Variants in PPEF1 observed in about 807,000 individuals in gnomAD.
PPEF1 encodes the protein serine/threonine-protein phosphatase with EF-hands 1.
PPEF1 carries 12 observed loss-of-function variants against 53.3 expected under a neutral mutation model. That is an observed-to-expected ratio of 0.23 (90% CI 0.14 to 0.36). PPEF1 has a LOEUF of 0.36. Ranked by LOEUF, PPEF1 falls within the 10% of genes least tolerant of loss-of-function variation. The pLI is 1.00. For missense variants in PPEF1, 334 were observed against 490.4 expected, an observed-to-expected ratio of 0.68 and a Z score of 3.01; for synonymous variants, 165 against 176.7, an observed-to-expected ratio of 0.93 and a Z score of 0.52.
chrX:18,748,743 C>T (rs1442994605), intron 3 of PPEF1, among the ~76,000 whole-genome samples: 1 of 111,676 alleles, frequency 9.0e-6, no homozygotes, highest in Non-Finnish European at 1.9e-5. Context: ...CTCAGCTCTA[C>T]ATGGTCTTGG....
At chrX:18,743,120 G>A (rs993024212) in intron 3 of PPEF1, among the ~76,000 whole-genome samples, 1 of 112,177 alleles carries the variant, frequency 8.9e-6, no homozygotes, top group African/African-American at 3.2e-5. Context: ...ACAGTATAAA[G>A]GGATGTGGAC....
At chrX:18,718,615 C>T (rs1180565432) in intron 1 of PPEF1, among the ~76,000 whole-genome samples, 1 of 111,366 alleles carries the variant, frequency 9.0e-6, no homozygotes, top group Non-Finnish European at 1.9e-5. Flanking sequence ...AAAACACACA[C>T]ACAACACAAC....
intron 1 of PPEF1, 90 bp downstream of exon 1, chrX:18,707,916 A>G (rs903526632): frequency 5.9e-6 from 5 of 849,829 alleles, no homozygotes; most frequent in Non-Finnish European, 8.6e-6. Flanking sequence ...TACTCCCACG[A>G]TGCTCAAGCT....
chrX:18,677,182 G>GC lies in PPEF1; in HGVS notation c.-587+1059dup, dbSNP rs774122404. Among the ~76,000 whole-genome samples the GC allele has an allele frequency of 3.6e-4, 39 of 109,181 alleles. No individual in the cohort carries two copies. In the South Asian group the frequency reaches 8.7e-3, roughly 24 times the overall value. 94.8% of individuals were successfully genotyped at this position (109,181 alleles called of 115,157 possible). On this transcript the variant is annotated intron_variant, in intron 1 of 20. Coordinates refer to the PPEF1 transcript ENST00000689646. ...CACCCAAGTAGCTGGGATTACAGGC[G>GC]CCCCCCCACCATACCTGGCCTACTT... is the stretch of plus-strand genomic sequence containing the variant.
intron 12 of PPEF1, among the ~76,000 whole-genome samples, chrX:18,810,916 G>A (rs1032613132): frequency 1.8e-5 from 2 of 112,169 alleles, no homozygotes; most frequent in Admixed American, 1.9e-4. Flanking sequence ...GGGTTATATG[G>A]TAACTCTGTG....
At chrX:18,725,748 T>C (rs913283448) in intron 1 of PPEF1, among the ~76,000 whole-genome samples, 1 of 111,712 alleles carries the variant, frequency 9.0e-6, no homozygotes. Flanking sequence ...CAGAGATGGC[T>C]GCTTCCCAAG....
At chrX:18,807,021 T>G (rs2046686115) in intron 12 of PPEF1, among the ~76,000 whole-genome samples, 1 of 19,978 alleles carries the variant, frequency 5.0e-5, no homozygotes, top group Non-Finnish European at 1.2e-4. Flanking sequence ...TTTTGTTTGT[T>G]TTTTTTCATT....
intron 3 of PPEF1, among the ~76,000 whole-genome samples, chrX:18,745,917 C>A (rs570793871): frequency 8.9e-6 from 1 of 111,886 alleles, no homozygotes; most frequent in South Asian, 3.7e-4. Context: ...TGTTGCTTTT[C>A]TTTTTCCAGC....
At chrX:18,763,511 C>T (rs1039153479) in intron 6 of PPEF1, among the ~76,000 whole-genome samples, 3 of 110,426 alleles carry the variant, frequency 2.7e-5, no homozygotes, top group Non-Finnish European at 5.7e-5. Context: ...TTATGGAGGC[C>T]TGCGTTAGTG....
At chrX:18,816,684 G>A (rs1235855577) in intron 12 of PPEF1, among the ~76,000 whole-genome samples, 1 of 111,656 alleles carries the variant, frequency 9.0e-6, no homozygotes, top group Non-Finnish European at 1.9e-5. Flanking sequence ...AGTTCTGTCC[G>A]TTTTTGCTTC....
intron 6 of PPEF1, 126 bp from the exon 7 acceptor site, chrX:18,778,884 T>A: frequency 1.4e-6 from 1 of 713,205 alleles, no homozygotes; most frequent in Non-Finnish European, 2.0e-6. Flanking sequence ...GAGAGCAGAT[T>A]TTTCCCGGTG....
At chrX:18,821,796 AGAGAGAG>A (rs1569273865) in intron 13 of PPEF1, among the ~76,000 whole-genome samples, 63 of 18,801 alleles carry the variant, frequency 3.4e-3, no homozygotes, top group African/African-American at 0.017. Flanking sequence ...AGAGAGAGAG[AGAGAGAG>A]AAAACAAATA....
intron 1 of PPEF1, among the ~76,000 whole-genome samples, chrX:18,727,221 G>A (rs1354021902): frequency 9.0e-6 from 1 of 111,415 alleles, no homozygotes; most frequent in Admixed American, 9.6e-5. Context: ...AGGACTGCAG[G>A]ACTAATCAAT....
In PPEF1 at chrX:18,817,076, G is replaced by A. The variant is rs939043721; in HGVS notation, c.1395-963G>A. 9.7e-4 allele frequency among the ~76,000 whole-genome samples: 76 copies of A among 78,583 alleles called. 1 individual carries two copies. Among genetic ancestry groups the A allele is most frequent in the Middle Eastern group, 6.5e-3 (1 of 155 alleles). 68.2% of individuals were successfully genotyped at this position (78,583 alleles called of 115,157 possible). On this transcript the variant is annotated intron_variant, in intron 12 of 15. Coordinates refer to ENST00000470157, the MANE Select transcript of PPEF1 (RefSeq NM_001377996.1). Reference sequence around the variant, plus strand: ...ACATCTATCATTTTGCCATGTGTGTGTGTGTGTGTGTGTGTGTGTGTGTGT... The same window carrying A: ...ACATCTATCATTTTGCCATGTGTGTATGTGTGTGTGTGTGTGTGTGTGTGT...
At chrX:18,803,257 G>A (rs949970039) in intron 10 of PPEF1, among the ~76,000 whole-genome samples, 2 of 113,145 alleles carry the variant, frequency 1.8e-5, no homozygotes, top group Non-Finnish European at 3.7e-5. Flanking sequence ...GGCACAGATC[G>A]CTCATGCTGT....
intron 3 of PPEF1, among the ~76,000 whole-genome samples, chrX:18,740,427 T>TG (rs56325303): frequency 9.2e-6 from 1 of 108,724 alleles, no homozygotes; most frequent in African/African-American, 3.3e-5. Context: ...TTTTTTTTTT[T>TG]GAGACAGAGT....
upstream of PPEF1, among the ~76,000 whole-genome samples, chrX:18,680,003 C>T (rs971072482): frequency 1.9e-4 from 20 of 107,345 alleles, no homozygotes; most frequent in African/African-American, 5.1e-4. Context: ...ATGGGAGGAT[C>T]GCTTGAGCCT....
chrX:18,694,899 C>T (rs1214892896), intron 4 of PPEF1, among the ~76,000 whole-genome samples: 1 of 112,261 alleles, frequency 8.9e-6, no homozygotes, highest in Non-Finnish European at 1.9e-5. Flanking sequence ...CTGTTTCCTT[C>T]ATCTGCCGTC....
rs1365374743 is a variant in PPEF1 at position 18,825,138 on chromosome X, T to C, written c.1666-613T>C. ...GAGATTTATCAGATCCCCATACTTA[T>C]TAGTTAACAATTCATCAGCAGTTAA... On this transcript the variant is annotated intron_variant, in intron 14 of 15. Coordinates refer to ENST00000470157, the MANE Select transcript of PPEF1 (RefSeq NM_001377996.1). Among the ~76,000 whole-genome samples the C allele has an allele frequency of 2.7e-5, 3 of 112,159 alleles. No individual in the cohort carries two copies. The East Asian group carries it at 8.3e-4, about 31-fold the overall frequency.
Sources: allele counts gnomAD v4.1 joint callset (sites outside exome capture counted in the v4.1 genomes callset), GRCh38; gene constraint gnomAD v4.1.1; transcripts MANE v1.5; gene names NCBI Gene and HGNC (gene_info 2026-07-23, HGNC 2026-07-21).